Variants in SLAMF1 observed in about 807,000 individuals in gnomAD.
The protein encoded by SLAMF1 is signaling lymphocytic activation molecule family member 1.
SLAMF1 carries 18 observed loss-of-function variants against 35.1 expected under a neutral mutation model. The observed-to-expected ratio is 0.51, with a 90% CI of 0.35 to 0.76. SLAMF1 has a LOEUF of 0.76. Ranked by LOEUF, SLAMF1 falls within the 30% of genes least tolerant of loss-of-function variation. SLAMF1 has a pLI of 0.01. For synonymous variants in SLAMF1, 168 were observed against 157.2 expected, an observed-to-expected ratio of 1.07 and a Z score of -0.51; for missense variants, 392 against 413.0, an observed-to-expected ratio of 0.95 and a Z score of 0.44.
chr1:160,641,481 A>T (rs1033682633), intron 1 of SLAMF1, among the ~76,000 whole-genome samples: 12 of 150,552 alleles, frequency 8.0e-5, no homozygotes, highest in Non-Finnish European at 1.5e-4. Context: ...AAAAATAAAA[A>T]AATAAAATAA....
chr1:160,618,986 T>C (rs1659461578), intron 5 of SLAMF1, among the ~76,000 whole-genome samples: 1 of 152,242 alleles, frequency 6.6e-6, no homozygotes, highest in South Asian at 2.1e-4. Flanking sequence ...GTCCATCTCC[T>C]GGTTCTCAGA....
At chr1:160,636,997 A>G (rs1660484742) in intron 2 of SLAMF1, 194 bp downstream of exon 2, 1 of 590,024 alleles carries the variant, frequency 1.7e-6, no homozygotes, top group Admixed American at 3.0e-5. Flanking sequence ...AGCTACCATC[A>G]ATATGCAATT....
Position 160,633,215 on chromosome 1 carries a change from C to T in SLAMF1, c.700+1398G>A, listed in dbSNP as rs913295211. Among the ~76,000 whole-genome samples the T allele has an allele frequency of 5.3e-5, 8 of 152,156 alleles. 1 individual carries two copies. Among genetic ancestry groups the T allele is most frequent in the Admixed American group, 2.0e-4 (3 of 15,282 alleles). On this transcript the variant is annotated intron_variant, in intron 3 of 6. Coordinates refer to ENST00000302035, the MANE Select transcript of SLAMF1 (RefSeq NM_003037.5). ...TCTAAATGACTGTGGGTGGGGAGAG[C>T]GCTCTGAACTGGGGGGTAGCCTCTG... is the stretch of plus-strand genomic sequence containing the variant.
intron 2 of SLAMF1, among the ~76,000 whole-genome samples, chr1:160,636,509 A>G (rs1221012449): frequency 1.3e-5 from 2 of 152,222 alleles, no homozygotes; most frequent in Admixed American, 1.3e-4. Flanking sequence ...CCCTGGGTGC[A>G]CTCAAGAGGG....
At chr1:160,629,977 C>A (rs565696370) in intron 3 of SLAMF1, among the ~76,000 whole-genome samples, 9 of 152,210 alleles carry the variant, frequency 5.9e-5, no homozygotes, top group Non-Finnish European at 8.8e-5. Flanking sequence ...AAAGGGGAAG[C>A]CTCCGGAGCT....
At chr1:160,620,065 C>G (rs979006225) in intron 4 of SLAMF1, among the ~76,000 whole-genome samples, 3 of 152,192 alleles carry the variant, frequency 2.0e-5, no homozygotes, top group African/African-American at 7.2e-5. Context: ...TTTGAAATAC[C>G]TGCCTCACGG....
rs981258620 is a variant in SLAMF1, at chr1:160,612,527, T to G, written c.918A>C (p.Ile306=). The change falls in exon 6 of 7, where the codon ATA becomes ATC. Residue 306 remains isoleucine, a synonymous_variant. Coordinates refer to ENST00000302035, the MANE Select transcript of SLAMF1 (RefSeq NM_003037.5). ...GGACAGGCTCTGTGGCAGCAACATA[T>G]ATGGTGGTGCAAGGGTCCTGAGCTG... is the stretch of plus-strand genomic sequence containing the variant. The part of the protein sequence containing the change: ...SFPAQDPCTT[I]YVAATEPVPE... The G allele has an allele frequency of 6.2e-7, 1 of 1,612,930 alleles. No homozygotes were observed. Among genetic ancestry groups the G allele is most frequent in the East Asian group, 2.2e-5 (1 of 44,828 alleles).
intron 2 of SLAMF1, among the ~76,000 whole-genome samples, chr1:160,635,686 C>G (rs1660416147): frequency 6.6e-6 from 1 of 151,630 alleles, no homozygotes; most frequent in Non-Finnish European, 1.5e-5. Context: ...ATTCTCCTGC[C>G]TCAGCCTCCC....
At chr1:160,614,786 G>A (rs1460657291) in intron 5 of SLAMF1, among the ~76,000 whole-genome samples, 1 of 152,106 alleles carries the variant, frequency 6.6e-6, no homozygotes, top group Non-Finnish European at 1.5e-5. Flanking sequence ...GTGCTTAAAT[G>A]TTCACTTCAG....
At chr1:160,626,946 T>A (rs1395538896) in intron 3 of SLAMF1, among the ~76,000 whole-genome samples, 1 of 152,214 alleles carries the variant, frequency 6.6e-6, no homozygotes, top group Non-Finnish European at 1.5e-5. Context: ...TCACCTTTCC[T>A]GACCATCCCA....
chr1:160,638,873 G>T (rs1660597161), intron 1 of SLAMF1, among the ~76,000 whole-genome samples: 1 of 152,148 alleles, frequency 6.6e-6, no homozygotes, highest in South Asian at 2.1e-4. Flanking sequence ...TATATAGGTT[G>T]CCTCTGCTCA....
rs370316347 is a variant in SLAMF1 at position 160,625,680 on chromosome 1, GC to G, written c.701-1496del. Among the ~76,000 whole-genome samples the G allele has an allele frequency of 2.4e-3, 367 of 152,030 alleles. 1 individual carries two copies. The highest frequency in any genetic ancestry group is 8.3e-3 in the African/African-American group (344 of 41,454). ...CAGATACCAACTTCAACAGTCTTATGCTCTGATTAAAAAAAAAAGTTAGGAG... is the reference window on the plus strand; with the variant it reads ...CAGATACCAACTTCAACAGTCTTATGTCTGATTAAAAAAAAAAGTTAGGAG... On this transcript the variant is annotated intron_variant, in intron 3 of 6. Coordinates refer to ENST00000302035, the MANE Select transcript of SLAMF1 (RefSeq NM_003037.5).
intron 2 of SLAMF1, 128 bp from the exon 3 acceptor site, chr1:160,635,025 G>T: frequency 3.9e-6 from 3 of 772,076 alleles, no homozygotes; most frequent in Non-Finnish European, 6.3e-6. Flanking sequence ...TTTATTTCTA[G>T]TGGGGAATCT....
In SLAMF1 at chr1:160,610,373, G is replaced by A. The variant is rs1389352555; in HGVS notation, c.*375C>T. 2.2e-6 allele frequency: 1 copy of A among 462,290 alleles called. No homozygotes were observed. The highest frequency in any genetic ancestry group is 2.0e-5 in the African/African-American group (1 of 50,488). The allele number at this position is 462,290 out of a possible 1,614,324, so 28.6% of individuals were successfully genotyped here. On this transcript the variant is annotated 3_prime_UTR_variant, in exon 7 of 7. Transcript: ENST00000302035. Reference sequence around the variant, plus strand: ...CTTTGTGACTGGTGGTCCAGTGTGTGAGATAGGTACTCAGATGTCCTGGCT... The same window carrying A: ...CTTTGTGACTGGTGGTCCAGTGTGTAAGATAGGTACTCAGATGTCCTGGCT...
At chr1:160,621,558 CAAAAAAAAAAA>C (rs33981363) in intron 4 of SLAMF1, among the ~76,000 whole-genome samples, 1 of 73,290 alleles carries the variant, frequency 1.4e-5, no homozygotes, top group Non-Finnish European at 2.5e-5. Context: ...GAATCTATCT[CAAAAAAAAAAA>C]AAAAAAAAAA....
Position 160,634,641 on chromosome 1 carries a change from C to T in SLAMF1, c.672G>A (p.Pro224=), listed in dbSNP as rs199624846. 49 of 1,612,208 alleles carry T rather than the reference C, an allele frequency of 3.0e-5. No individual in the cohort carries two copies. Among genetic ancestry groups the T allele is most frequent in the Middle Eastern group, 3.3e-4 (2 of 6,046 alleles). Residue 224 remains proline (P), a synonymous_variant, in exon 3 of 7, where the codon CCG becomes CCA. Transcript: ENST00000302035. ...AGGGGTCTGTCCTGCATCCGGGCCA[C>T]GGGCTGAAGGTCTGGGAATTGTTGC... ...PISNNSQTFS[P]WPGCRTDPSE...
chr1:160,610,208 T>C lies in SLAMF1; in HGVS notation c.*540A>G, dbSNP rs1393094452. ...TAATATCAGAGTGTTTTATGTATAA[T>C]AAGAAATTCACCCTTCAGCCTCTAT... On this transcript the variant is annotated 3_prime_UTR_variant, in exon 7 of 7. Coordinates refer to ENST00000302035, the MANE Select transcript of SLAMF1 (RefSeq NM_003037.5). The C allele has an allele frequency of 4.6e-6, 2 of 433,118 alleles. No homozygotes were observed. Among genetic ancestry groups the C allele is most frequent in the Non-Finnish European group, 9.2e-6 (2 of 218,130 alleles). The allele number at this position is 433,118 out of a possible 1,614,324, so 26.8% of individuals were successfully genotyped here. A position where few individuals can be genotyped will look rare whatever the true frequency, so the allele number is the denominator to read the frequency against.
chr1:160,640,359 T>TATATATATATATATATATATATATAC (rs1361053277), intron 1 of SLAMF1, among the ~76,000 whole-genome samples: 1 of 122,472 alleles, frequency 8.2e-6, no homozygotes, highest in Admixed American at 8.5e-5. Flanking sequence ...TATATATATA[T>TATATATATATATATATATATATATAC]ACACACACAC....
chr1:160,624,433 T>C lies in SLAMF1; in HGVS notation c.701-248A>G, dbSNP rs1570982778. Among the ~76,000 whole-genome samples, 7 of 152,360 alleles carry C rather than the reference T, an allele frequency of 4.6e-5. No homozygotes were observed. In the South Asian group the frequency reaches 1.4e-3, roughly 32 times the overall value. ...CATGAAGATTTTTCTATCCAAATGC[T>C]TTATTTTTAACTCAACTACCACATG... is the stretch of plus-strand genomic sequence containing the variant. On this transcript the variant is annotated intron_variant, in intron 3 of 6. Transcript: ENST00000302035.
Sources: allele counts gnomAD v4.1 joint callset (sites outside exome capture counted in the v4.1 genomes callset), GRCh38; gene constraint gnomAD v4.1.1; transcripts MANE v1.5; gene names NCBI Gene and HGNC (gene_info 2026-07-23, HGNC 2026-07-21).